AGBL4: variants seen among roughly 807,000 people sequenced by gnomAD.
AGBL4 encodes cytosolic carboxypeptidase 6.
In AGBL4, 58 loss-of-function variants were observed where a neutral mutation model predicts 66.4. That is an observed-to-expected ratio of 0.87 (90% CI 0.71 to 1.09). The LOEUF (loss-of-function observed/expected upper bound fraction) is 1.09, where lower values mean the gene tolerates loss of function less well. AGBL4 is among the 50% of genes least tolerant of loss of function. The pLI is 0.00. For missense variants in AGBL4, 579 were observed against 631.0 expected (o/e 0.92, Z 0.88); for synonymous variants, 234 against 222.9 (o/e 1.05, Z -0.44).
chr1:49,507,450 G>A (rs763745710), intron 3 of AGBL4, among the ~76,000 whole-genome samples: 2 of 152,004 alleles, frequency 1.3e-5, no homozygotes, highest in Non-Finnish European at 2.9e-5. Flanking sequence ...ATCTGTGATA[G>A]TTCTATAGTT....
At chr1:49,650,248 C>T (rs557430723) in intron 3 of AGBL4, among the ~76,000 whole-genome samples, 10 of 152,048 alleles carry the variant, frequency 6.6e-5, no homozygotes, top group Admixed American at 1.3e-4. Flanking sequence ...TCTGTGAGAG[C>T]CCATAGGAAA....
At chr1:49,992,248 C>T (rs1326427408) in intron 1 of AGBL4, among the ~76,000 whole-genome samples, 1 of 151,790 alleles carries the variant, frequency 6.6e-6, no homozygotes, top group Non-Finnish European at 1.5e-5. Flanking sequence ...AGTGGGCACC[C>T]GCAGTCCCAG....
At chr1:49,099,034 C>A (rs746501371) in intron 4 of AGBL4, among the ~76,000 whole-genome samples, 3 of 152,112 alleles carry the variant, frequency 2.0e-5, no homozygotes, top group Non-Finnish European at 4.4e-5. Flanking sequence ...CAGAGGAAGG[C>A]GAATGGGAAA....
intron 3 of AGBL4, among the ~76,000 whole-genome samples, chr1:49,622,693 T>C (rs1296534805): frequency 2.0e-5 from 3 of 149,980 alleles, no homozygotes; most frequent in African/African-American, 7.3e-5. Context: ...GCAGGGTCAT[T>C]GTAAAGATCA....
chr1:49,233,040 A>C lies in AGBL4; in HGVS notation c.377+12730T>G, dbSNP rs548290321. ...CTGATGGGTACTTGGATAATTTATA[A>C]TTTTTCCCAATTACAATGTACACTG... On this transcript the variant is annotated intron_variant, in intron 4 of 13. Transcript: ENST00000371839. 3.9e-5 allele frequency among the ~76,000 whole-genome samples: 6 copies of C among 152,260 alleles called. 1 individual carries two copies. The South Asian group carries it at 1.2e-3, about 32-fold the overall frequency.
intron 3 of AGBL4, among the ~76,000 whole-genome samples, chr1:49,488,858 C>T: frequency 6.6e-6 from 1 of 151,860 alleles, no homozygotes; most frequent in East Asian, 1.9e-4. Context: ...TTGCAAATGA[C>T]AGGATCTCAT....
At chr1:49,819,855 G>A (rs1645323524) in intron 2 of AGBL4, among the ~76,000 whole-genome samples, 1 of 152,142 alleles carries the variant, frequency 6.6e-6, no homozygotes, top group African/African-American at 2.4e-5. Flanking sequence ...AGTTCCATTG[G>A]AAGCAGAGAA....
intron 3 of AGBL4, among the ~76,000 whole-genome samples, chr1:49,686,918 C>T (rs75686029): frequency 8.7e-4 from 133 of 152,130 alleles, no homozygotes; most frequent in African/African-American, 2.7e-3. Context: ...GAGCTTAATC[C>T]AAATGAATAA....
intron 5 of AGBL4, among the ~76,000 whole-genome samples, chr1:48,998,350 A>T (rs1661166466): frequency 6.6e-6 from 1 of 152,192 alleles, no homozygotes. Flanking sequence ...CTGGCAATAG[A>T]AGTGTGAGGC....
intron 1 of AGBL4, among the ~76,000 whole-genome samples, chr1:50,021,239 T>C (rs892227325): frequency 1.3e-5 from 2 of 152,200 alleles, no homozygotes; most frequent in Non-Finnish European, 2.9e-5. Flanking sequence ...CTCAGTCTCT[T>C]TGGAAGGCAT....
At chr1:49,690,736 T>C (rs1646871190) in intron 3 of AGBL4, among the ~76,000 whole-genome samples, 1 of 152,208 alleles carries the variant, frequency 6.6e-6, no homozygotes. Flanking sequence ...CTGTGTTATA[T>C]TTCCTATTAG....
intron 1 of AGBL4, among the ~76,000 whole-genome samples, chr1:49,941,377 T>C (rs763985512): frequency 1.3e-5 from 2 of 152,122 alleles, no homozygotes; most frequent in African/African-American, 4.8e-5. Context: ...ACCAAATTCA[T>C]TTTTGTATCA....
intron 3 of AGBL4, among the ~76,000 whole-genome samples, chr1:49,574,693 G>A (rs1644400476): frequency 6.6e-6 from 1 of 152,074 alleles, no homozygotes; most frequent in Non-Finnish European, 1.5e-5. Context: ...GGATCCCAAG[G>A]TGGCAGGAGA....
Position 48,749,055 on chromosome 1 carries a change from G to A in AGBL4, c.635-85814C>T, listed in dbSNP as rs180703406. Among the ~76,000 whole-genome samples the A allele has an allele frequency of 3.3e-4, 50 of 152,066 alleles. No individual in the cohort carries two copies. The East Asian group carries it at 8.7e-3, about 26-fold the overall frequency. Reference sequence around the variant, plus strand: ...AGAGCCCCCTTTCCAAGGGGGAGAAGCCCACCCAGGAAGAAAGAGGTGAAA... The same window carrying A: ...AGAGCCCCCTTTCCAAGGGGGAGAAACCCACCCAGGAAGAAAGAGGTGAAA... On this transcript the variant is annotated intron_variant, in intron 6 of 13. Coordinates refer to ENST00000371839, the MANE Select transcript of AGBL4 (RefSeq NM_032785.4).
chr1:48,721,023 C>T (rs1647138656), intron 6 of AGBL4, among the ~76,000 whole-genome samples: 1 of 151,264 alleles, frequency 6.6e-6, no homozygotes, highest in African/African-American at 2.4e-5. Flanking sequence ...AGTTAGAGCC[C>T]CAGACTGAGC....
At chr1:48,868,187 G>T (rs1242239147) in intron 5 of AGBL4, among the ~76,000 whole-genome samples, 1 of 152,152 alleles carries the variant, frequency 6.6e-6, no homozygotes, top group Non-Finnish European at 1.5e-5. Context: ...ATTCCATTTT[G>T]AGAGTCATTG....
chr1:49,579,439 T>C (rs550807934), intron 3 of AGBL4, among the ~76,000 whole-genome samples: 13 of 152,328 alleles, frequency 8.5e-5, no homozygotes, highest in African/African-American at 3.1e-4. Context: ...GCCTAACATA[T>C]AGTGTATCTT....
chr1:49,958,258 G>C (rs1656804557), intron 1 of AGBL4, among the ~76,000 whole-genome samples: 1 of 151,948 alleles, frequency 6.6e-6, no homozygotes, highest in Non-Finnish European at 1.5e-5. Context: ...TTCCTCTGTG[G>C]GTAACCTGAC....
At chr1:49,041,717 C>A (rs540804769) in intron 5 of AGBL4, among the ~76,000 whole-genome samples, 9 of 152,150 alleles carry the variant, frequency 5.9e-5, no homozygotes, top group African/African-American at 1.7e-4. Flanking sequence ...AGTAAGAAAC[C>A]CGGTATGTGT....
Sources: gnomAD v4.1 joint callset for allele counts (sites outside exome capture counted in the v4.1 genomes callset) on GRCh38, gnomAD v4.1.1 for gene constraint, MANE v1.5 for transcripts, NCBI Gene and HGNC (gene_info 2026-07-23, HGNC 2026-07-21) for gene names.